The following SLCO4C1 variants were observed in gnomAD, a reference collection of about 807,000 sequenced individuals.
SLCO4C1 encodes the protein solute carrier organic anion transporter family member 4C1.
Under a neutral mutation model 72.1 loss-of-function variants are expected in SLCO4C1, and 58 were observed. That is an observed-to-expected ratio of 0.80 (90% CI 0.65 to 1.00). The LOEUF (loss-of-function observed/expected upper bound fraction) is 1.00, where lower values mean the gene tolerates loss of function less well. Ranked by LOEUF, SLCO4C1 falls within the 50% of genes least tolerant of loss-of-function variation. The probability of loss-of-function intolerance (pLI) is 0.00; values close to 1 mark genes in which losing one functional copy is unlikely to be tolerated. For missense variants in SLCO4C1, 898 were observed against 857.9 expected (o/e 1.05, Z -0.58); for synonymous variants, 297 against 312.5 (o/e 0.95, Z 0.52).
At chr5:102,240,840 G>T in intron 10 of SLCO4C1, 58 bp from the exon 11 acceptor site, 1 of 1,220,030 alleles carries the variant, frequency 8.2e-7, no homozygotes, top group Non-Finnish European at 1.2e-6. Flanking sequence ...TTCACTCTTT[G>T]AGCAAGTTCA....
chr5:102,244,132 A>T (rs1266825703), intron 10 of SLCO4C1, among the ~76,000 whole-genome samples: 5 of 152,162 alleles, frequency 3.3e-5, no homozygotes, highest in African/African-American at 1.2e-4. Flanking sequence ...GGTTGCAGTG[A>T]GCCAAGATCA....
chr5:102,255,849 T>C (rs1377087463), intron 8 of SLCO4C1, among the ~76,000 whole-genome samples: 1 of 152,148 alleles, frequency 6.6e-6, no homozygotes, highest in Non-Finnish European at 1.5e-5. Context: ...AATCTCTCCT[T>C]TAGAACAGGT....
intron 8 of SLCO4C1, among the ~76,000 whole-genome samples, chr5:102,250,064 A>T (rs771262728): frequency 6.6e-6 from 1 of 152,172 alleles, no homozygotes; most frequent in Non-Finnish European, 1.5e-5. Context: ...GCACCAGGTA[A>T]TTCTCTTGTG....
chr5:102,246,370 C>G (rs142653677), intron 10 of SLCO4C1, among the ~76,000 whole-genome samples: 2,880 of 152,034 alleles, frequency 0.019, 73 homozygotes, highest in Admixed American at 0.075. Flanking sequence ...CTACTATGAG[C>G]AACAATATGC....
rs887775692 is a variant in SLCO4C1 at position 102,291,709 on chromosome 5, T to A, written c.356-103A>T. On this transcript the variant is annotated intron_variant, in intron 1 of 12. Transcript: ENST00000310954. ...TTGATTATTCATTTCTTTTTTTTCTTAAAATGTACCAGTTTTCAAAGCCTC... is the reference window on the plus strand; with the variant it reads ...TTGATTATTCATTTCTTTTTTTTCTAAAAATGTACCAGTTTTCAAAGCCTC... 3.6e-4 allele frequency: 355 copies of A among 991,820 alleles called. 1 individual carries two copies. Among genetic ancestry groups the A allele is most frequent in the Non-Finnish European group, 4.4e-4 (319 of 731,034 alleles). 61.4% of individuals were successfully genotyped at this position (991,820 alleles called of 1,614,324 possible).
At chr5:102,265,871 T>C (rs903815750) in intron 3 of SLCO4C1, among the ~76,000 whole-genome samples, 2 of 152,178 alleles carry the variant, frequency 1.3e-5, no homozygotes, top group Non-Finnish European at 1.5e-5. Context: ...TTGATAGGGA[T>C]TGCATTGAAT....
chr5:102,272,577 T>C (rs1471217459), intron 2 of SLCO4C1, among the ~76,000 whole-genome samples: 2 of 152,116 alleles, frequency 1.3e-5, no homozygotes, highest in Non-Finnish European at 2.9e-5. Context: ...ATTTTAAAAT[T>C]ACTATATTGC....
intron 1 of SLCO4C1, among the ~76,000 whole-genome samples, chr5:102,294,293 G>A (rs1749607983): frequency 6.6e-6 from 1 of 152,092 alleles, no homozygotes; most frequent in South Asian, 2.1e-4. Flanking sequence ...TGATCCGCCC[G>A]CCTCGGCCTC....
In SLCO4C1 at chr5:102,236,831, T is replaced by C; in HGVS notation, c.*27A>G. 1 of 1,606,736 alleles carries C rather than the reference T, an allele frequency of 6.2e-7. No homozygotes were observed. The highest frequency in any genetic ancestry group is 1.7e-4 in the Middle Eastern group (1 of 6,036). Reference sequence around the variant, plus strand: ...TAAAAATCGAGGTAAATTTTCCAGGTGTAAAACAGTCTTCTCTTTTCCCAT... The same window carrying C: ...TAAAAATCGAGGTAAATTTTCCAGGCGTAAAACAGTCTTCTCTTTTCCCAT... On this transcript the variant is annotated 3_prime_UTR_variant, in exon 13 of 13. Transcript: ENST00000310954.
At chr5:102,283,904 G>A (rs1749401748) in intron 2 of SLCO4C1, among the ~76,000 whole-genome samples, 1 of 151,976 alleles carries the variant, frequency 6.6e-6, no homozygotes, top group African/African-American at 2.4e-5. Flanking sequence ...GCACTGAAGT[G>A]AAATCAACAT....
intron 8 of SLCO4C1, among the ~76,000 whole-genome samples, chr5:102,255,841 T>A (rs1748824492): frequency 4.6e-5 from 7 of 152,140 alleles, no homozygotes. Flanking sequence ...TCTTTTGCAA[T>A]CTCTCCTTTA....
intron 8 of SLCO4C1, among the ~76,000 whole-genome samples, chr5:102,255,932 G>A (rs373663843): frequency 6.6e-6 from 1 of 151,596 alleles, no homozygotes; most frequent in Non-Finnish European, 1.5e-5. Context: ...TTGGCCGGGC[G>A]CGGTGGCTCA....
intron 8 of SLCO4C1, among the ~76,000 whole-genome samples, chr5:102,256,473 G>A (rs1221197703): frequency 1.3e-5 from 2 of 152,116 alleles, no homozygotes; most frequent in Admixed American, 6.5e-5. Flanking sequence ...AGCACTGTGA[G>A]GTATAAAATG....
intron 10 of SLCO4C1, among the ~76,000 whole-genome samples, chr5:102,245,818 A>G (rs1748625785): frequency 6.6e-6 from 1 of 152,178 alleles, no homozygotes; most frequent in Non-Finnish European, 1.5e-5. Context: ...AAAACATTCA[A>G]AGTAACTGAA....
At chr5:102,279,495 A>T (rs1454629086) in intron 2 of SLCO4C1, among the ~76,000 whole-genome samples, 2 of 152,054 alleles carry the variant, frequency 1.3e-5, no homozygotes, top group Non-Finnish European at 2.9e-5. Context: ...TCTAACAAAC[A>T]TATAAAGAAA....
rs945411891 is a variant in SLCO4C1 at position 102,234,796 on chromosome 5, A to G, written c.*2062T>C. 9.2e-6 allele frequency: 1 copy of G among 109,142 alleles called. No homozygotes were observed. Among genetic ancestry groups the G allele is most frequent in the African/African-American group, 3.6e-5 (1 of 27,884 alleles). The allele number at this position is 109,142 out of a possible 1,614,324, so 6.8% of individuals were successfully genotyped here. On this transcript the variant is annotated 3_prime_UTR_variant, in exon 13 of 13. Transcript: ENST00000310954. ...TCCACACAAAGGACAAAGAAAGCCT[A>G]AACTTTCCTTTTCCTTTTTTCTGGG...
chr5:102,289,131 C>T (rs545142634), intron 2 of SLCO4C1, among the ~76,000 whole-genome samples: 47 of 152,110 alleles, frequency 3.1e-4, no homozygotes, highest in Non-Finnish European at 6.5e-4. Flanking sequence ...CAGCCAATTC[C>T]TCTAACCTAT....
At chr5:102,266,448 G>A (rs185296430) in intron 3 of SLCO4C1, among the ~76,000 whole-genome samples, 1 of 152,198 alleles carries the variant, frequency 6.6e-6, no homozygotes, top group East Asian at 1.9e-4. Flanking sequence ...TCAGGAGTTC[G>A]AGACCAGTAT....
chr5:102,260,845 G>A (rs530108348), intron 5 of SLCO4C1, among the ~76,000 whole-genome samples: 2 of 152,090 alleles, frequency 1.3e-5, no homozygotes, highest in South Asian at 4.2e-4. Flanking sequence ...ACAAATTTGA[G>A]AAAACAGTTA....
Sources: gnomAD v4.1 joint callset for allele counts (sites outside exome capture counted in the v4.1 genomes callset) on GRCh38, gnomAD v4.1.1 for gene constraint, MANE v1.5 for transcripts, NCBI Gene and HGNC (gene_info 2026-07-23, HGNC 2026-07-21) for gene names.